Variants in THSD4 observed in about 807,000 individuals in gnomAD.
THSD4 encodes thrombospondin type-1 domain-containing protein 4.
In THSD4, 69 loss-of-function variants were observed where a neutral mutation model predicts 119.0. The observed-to-expected ratio is 0.58, with a 90% CI of 0.48 to 0.71. THSD4 has a LOEUF of 0.71. Ranked by LOEUF, THSD4 falls within the 30% of genes least tolerant of loss-of-function variation. THSD4 has a pLI of 0.00. For missense variants in THSD4, 1,393 were observed against 1,391.1 expected, an observed-to-expected ratio of 1.00 and a Z score of -0.02; for synonymous variants, 524 against 540.4, an observed-to-expected ratio of 0.97 and a Z score of 0.42.
chr15:71,548,272 C>T (rs1368680285), intron 7 of THSD4, among the ~76,000 whole-genome samples: 3 of 152,202 alleles, frequency 2.0e-5, no homozygotes, highest in Admixed American at 6.5e-5. Context: ...CCTCCTTACC[C>T]TGATGCCTGA....
At chr15:71,340,683 G>T (rs2045554921) in intron 6 of THSD4, among the ~76,000 whole-genome samples, 1 of 146,686 alleles carries the variant, frequency 6.8e-6, no homozygotes, top group Non-Finnish European at 1.5e-5. Context: ...TCTGCTTGCT[G>T]CAACCTCTGC....
intron 7 of THSD4, among the ~76,000 whole-genome samples, chr15:71,503,552 A>G (rs2048144241): frequency 6.6e-6 from 1 of 152,090 alleles, no homozygotes; most frequent in Non-Finnish European, 1.5e-5. Flanking sequence ...AAAACAAAAC[A>G]AGTGTCCCGT....
Position 71,746,890 on chromosome 15 carries a change from C to T in THSD4, c.2089C>T (p.Gln697Ter), listed in dbSNP as rs2053349144. 6.2e-7 allele frequency: 1 copy of T among 1,613,944 alleles called. No individual in the cohort carries two copies. The highest frequency in any genetic ancestry group is 1.3e-5 in the African/African-American group (1 of 74,938). ...CAGCAAGACCTGTGGCCTGGGCATG[C>T]AGCACCGCCAGGTTCTGTGCCGCCA... ...ECSKTCGLGM[Q>*]HRQVLCRQVY... Residue 697 changes from glutamine (Q) to a stop codon, truncating the protein, a stop_gained, in exon 13 of 18, where the codon CAG (glutamine) becomes TAG (stop). Coordinates refer to ENST00000261862, the MANE Select transcript of THSD4 (RefSeq NM_024817.3). LOFTEE classifies it high-confidence loss of function.
intron 7 of THSD4, among the ~76,000 whole-genome samples, chr15:71,477,764 C>G (rs990674964): frequency 6.6e-6 from 1 of 152,190 alleles, no homozygotes; most frequent in Admixed American, 6.5e-5. Context: ...CAGCATCCCT[C>G]ACACCGTCAC....
intron 3 of THSD4, among the ~76,000 whole-genome samples, chr15:71,156,315 T>C (rs968442018): frequency 6.6e-6 from 1 of 151,530 alleles, no homozygotes; most frequent in African/African-American, 2.4e-5. Flanking sequence ...TGGAGTGCAA[T>C]GGCACGATCT....
At chr15:71,254,227 T>C (rs377186280) in intron 5 of THSD4, among the ~76,000 whole-genome samples, 12 of 152,314 alleles carry the variant, frequency 7.9e-5, no homozygotes, top group African/African-American at 2.6e-4. Context: ...GCAGCCGATC[T>C]CTAGTTCTGA....
At chr15:71,365,658 A>T (rs543719936) in intron 6 of THSD4, among the ~76,000 whole-genome samples, 1 of 152,196 alleles carries the variant, frequency 6.6e-6, no homozygotes, top group African/African-American at 2.4e-5. Context: ...TTCTGTTTGG[A>T]TTGGAGATGA....
intron 4 of THSD4, among the ~76,000 whole-genome samples, chr15:71,221,769 TG>T (rs1355091037): frequency 6.6e-6 from 1 of 152,192 alleles, no homozygotes; most frequent in Non-Finnish European, 1.5e-5. Context: ...GGGTGGAAAT[TG>T]GGAAGTGGAA....
rs190798573 is a variant in THSD4, at chr15:71,231,670, C to T, written c.465-10979C>T. On this transcript the variant is annotated intron_variant, in intron 4 of 17. Coordinates refer to ENST00000261862, the MANE Select transcript of THSD4 (RefSeq NM_024817.3). ...CTCATGCTGGCCTTTAAACTCGGGTCTTCAGCACATGGTGGGGAGCAGCAG... is the reference window on the plus strand; with the variant it reads ...CTCATGCTGGCCTTTAAACTCGGGTTTTCAGCACATGGTGGGGAGCAGCAG... Among the ~76,000 whole-genome samples, 208 of 152,294 alleles carry T rather than the reference C, an allele frequency of 1.4e-3. 1 individual carries two copies. Among genetic ancestry groups the T allele is most frequent in the Admixed American group, 3.1e-3 (47 of 15,306 alleles).
In THSD4 at chr15:71,763,554, A is replaced by T. The variant is rs577177403; in HGVS notation, c.2590-1466A>T. Among the ~76,000 whole-genome samples, 201 of 145,034 alleles carry T rather than the reference A, an allele frequency of 1.4e-3. 1 individual carries two copies. The highest frequency in any genetic ancestry group is 1.9e-3 in the African/African-American group (73 of 38,640). On this transcript the variant is annotated intron_variant, in intron 15 of 17. Coordinates refer to ENST00000261862, the MANE Select transcript of THSD4 (RefSeq NM_024817.3). The stretch of plus-strand genomic sequence containing the variant: ...AATGAGACCCTGTCTCTAAAAACAA[A>T]TTTTTTTTTTTTTAAACAGAGTCTT...
At chr15:71,443,440 C>CTG (rs1326542780) in intron 7 of THSD4, among the ~76,000 whole-genome samples, 2 of 151,462 alleles carry the variant, frequency 1.3e-5, no homozygotes, top group African/African-American at 2.4e-5. Flanking sequence ...ATCCCTCTCT[C>CTG]TCTCTATGTA....
At chr15:71,343,833 G>A (rs1478988013) in intron 6 of THSD4, among the ~76,000 whole-genome samples, 2 of 149,902 alleles carry the variant, frequency 1.3e-5, no homozygotes, top group Non-Finnish European at 3.0e-5. Context: ...CTACCTCAGC[G>A]TCCTGAGCAG....
At chr15:71,373,546 C>T (rs144093982) in intron 6 of THSD4, among the ~76,000 whole-genome samples, 42 of 152,218 alleles carry the variant, frequency 2.8e-4, no homozygotes, top group African/African-American at 9.9e-4. Context: ...TACCTCAAAC[C>T]CAACTATATT....
At chr15:71,597,962 T>C (rs921113947) in intron 7 of THSD4, among the ~76,000 whole-genome samples, 4 of 152,204 alleles carry the variant, frequency 2.6e-5, no homozygotes, top group Non-Finnish European at 4.4e-5. Flanking sequence ...GCTCTTACTA[T>C]GGTCCCAATC....
upstream of THSD4, among the ~76,000 whole-genome samples, chr15:71,114,636 A>G (rs1264547346): frequency 1.3e-5 from 2 of 152,068 alleles, no homozygotes; most frequent in Admixed American, 1.3e-4. Context: ...CATTAACTAA[A>G]CGCGTCACTT....
intron 7 of THSD4, among the ~76,000 whole-genome samples, chr15:71,600,152 G>A (rs1332347549): frequency 6.6e-6 from 1 of 152,206 alleles, no homozygotes; most frequent in Non-Finnish European, 1.5e-5. Context: ...ATTAGCTACA[G>A]TCAATACTGT....
intron 6 of THSD4, among the ~76,000 whole-genome samples, chr15:71,330,758 A>T (rs1268144555): frequency 6.6e-6 from 1 of 152,120 alleles, no homozygotes; most frequent in African/African-American, 2.4e-5. Flanking sequence ...CTGTCATATA[A>T]ACCCACTCAT....
intron 7 of THSD4, among the ~76,000 whole-genome samples, chr15:71,611,085 G>A (rs1406956446): frequency 6.6e-6 from 1 of 152,184 alleles, no homozygotes; most frequent in Non-Finnish European, 1.5e-5. Context: ...GTTTTTAGAC[G>A]AGTTAAAATA....
chr15:71,652,243 C>T (rs1034962133), intron 7 of THSD4, among the ~76,000 whole-genome samples: 3 of 152,146 alleles, frequency 2.0e-5, no homozygotes, highest in African/African-American at 4.8e-5. Context: ...CTAACAGACC[C>T]ATCCCACGTG....
Sources: gnomAD v4.1 joint callset for allele counts (sites outside exome capture counted in the v4.1 genomes callset) on GRCh38, gnomAD v4.1.1 for gene constraint, MANE v1.5 for transcripts, NCBI Gene and HGNC (gene_info 2026-07-23, HGNC 2026-07-21) for gene names.